Variants in PTPRA observed in about 807,000 individuals in gnomAD.
PTPRA encodes protein tyrosine phosphatase receptor type A.
Under a neutral mutation model 104.8 loss-of-function variants are expected in PTPRA, and 25 were observed. That is an observed-to-expected ratio of 0.24 (90% CI 0.17 to 0.33). PTPRA has a LOEUF of 0.33. PTPRA is among the 10% of genes least tolerant of loss of function. The probability of loss-of-function intolerance (pLI) is 1.00; values close to 1 mark genes in which losing one functional copy is unlikely to be tolerated. For missense variants in PTPRA, 765 were observed against 1,015.3 expected, an observed-to-expected ratio of 0.75 and a Z score of 3.35; for synonymous variants, 323 against 368.9, an observed-to-expected ratio of 0.88 and a Z score of 1.43.
At chr20:2,966,727 A>G (rs759586161) in intron 5 of PTPRA, among the ~76,000 whole-genome samples, 2 of 152,206 alleles carry the variant, frequency 1.3e-5, no homozygotes, top group Non-Finnish European at 2.9e-5. Flanking sequence ...TGATGAAACC[A>G]TAATTTGTGG....
intron 2 of PTPRA, among the ~76,000 whole-genome samples, chr20:2,939,503 C>G (rs1160047092): frequency 6.6e-6 from 1 of 152,148 alleles, no homozygotes; most frequent in Non-Finnish European, 1.5e-5. Flanking sequence ...GTACCTCCTC[C>G]CCTTTTTTAG....
At chr20:2,900,827 A>T (rs950818743) in intron 1 of PTPRA, among the ~76,000 whole-genome samples, 29 of 150,156 alleles carry the variant, frequency 1.9e-4, no homozygotes, top group Admixed American at 1.7e-3. Context: ...ATTGCACTCC[A>T]GCCTGAGCAA....
Position 2,997,151 on chromosome 20 carries a change from T to C in PTPRA, c.739-7905T>C, listed in dbSNP as rs147758968. Reference sequence around the variant, plus strand: ...GTGAGAAAACATATGTGGGATAATTTCATTTTTGTTTTCAAAAATATGTAT... The same window carrying C: ...GTGAGAAAACATATGTGGGATAATTCCATTTTTGTTTTCAAAAATATGTAT... On this transcript the variant is annotated intron_variant, in intron 9 of 23. Coordinates refer to ENST00000399903, the MANE Select transcript of PTPRA (RefSeq NM_001385305.1). Among the ~76,000 whole-genome samples the C allele has an allele frequency of 1.1e-4, 16 of 152,292 alleles. 1 individual carries two copies. The highest frequency in any genetic ancestry group is 1.0e-3 in the Admixed American group (16 of 15,302).
chr20:2,951,948 C>T (rs907273603), intron 3 of PTPRA, among the ~76,000 whole-genome samples: 1 of 151,970 alleles, frequency 6.6e-6, no homozygotes, highest in Non-Finnish European at 1.5e-5. Flanking sequence ...AGGTGAAACC[C>T]CCTCTCTACT....
intron 5 of PTPRA, among the ~76,000 whole-genome samples, chr20:2,966,714 C>G (rs1180867637): frequency 3.3e-5 from 5 of 152,150 alleles, no homozygotes; most frequent in Non-Finnish European, 7.4e-5. Flanking sequence ...AAGTATTTTA[C>G]AATGATGAAA....
chr20:3,035,993 T>G lies in PTPRA; in HGVS notation c.2198+52T>G. The G allele has an allele frequency of 6.2e-7, 1 of 1,609,828 alleles. No homozygotes were observed. Among genetic ancestry groups the G allele is most frequent in the Non-Finnish European group, 8.5e-7 (1 of 1,178,450 alleles). On this transcript the variant is annotated intron_variant, in intron 22 of 23. Coordinates refer to ENST00000399903, the MANE Select transcript of PTPRA (RefSeq NM_001385305.1). The surrounding 1 kb of genome is among the most constrained non-coding windows in gnomAD (Gnocchi z 5.8). ...GAGAGAGAAAGCGAGGAGGGGCAGA[T>G]AGGGGAAGCTGATGACCATGGGTCA...
chr20:2,916,797 C>G (rs1321540803), intron 1 of PTPRA, among the ~76,000 whole-genome samples: 2 of 152,126 alleles, frequency 1.3e-5, no homozygotes, highest in Non-Finnish European at 2.9e-5. Flanking sequence ...ATATATCACT[C>G]CTTATACCAT....
At chr20:2,948,744 G>A (rs2061237524) in intron 3 of PTPRA, among the ~76,000 whole-genome samples, 1 of 151,802 alleles carries the variant, frequency 6.6e-6, no homozygotes, top group African/African-American at 2.4e-5. Context: ...AAGGTCAGGA[G>A]ATCAAGACCA....
chr20:2,948,504 T>A (rs2061223885), intron 3 of PTPRA, among the ~76,000 whole-genome samples: 1 of 152,192 alleles, frequency 6.6e-6, no homozygotes, highest in Admixed American at 6.5e-5. Flanking sequence ...AAACCTTAAT[T>A]CTGTATGTTT....
intron 2 of PTPRA, among the ~76,000 whole-genome samples, chr20:2,934,937 G>A (rs1226501175): frequency 6.6e-6 from 1 of 152,104 alleles, no homozygotes; most frequent in African/African-American, 2.4e-5. Flanking sequence ...CTCCCAAAGT[G>A]CTGGGATTAG....
chr20:3,024,186 T>G (rs2065024565), intron 16 of PTPRA, among the ~76,000 whole-genome samples: 1 of 152,124 alleles, frequency 6.6e-6, no homozygotes, highest in East Asian at 1.9e-4. Context: ...TTCAGACTAT[T>G]AAATCTGCAC....
At chr20:2,968,788 C>T (rs1355377398) in intron 5 of PTPRA, among the ~76,000 whole-genome samples, 2 of 152,066 alleles carry the variant, frequency 1.3e-5, no homozygotes, top group Non-Finnish European at 2.9e-5. Context: ...ATGGCTCATG[C>T]CTGTGGTCCC....
chr20:2,924,587 A>G (rs1380246484), intron 2 of PTPRA, among the ~76,000 whole-genome samples: 1 of 152,320 alleles, frequency 6.6e-6, no homozygotes, highest in East Asian at 1.9e-4. Context: ...AAACTAAACT[A>G]CAGTGATAAA....
Position 3,035,820 on chromosome 20 carries a change from C to T in PTPRA, c.2077C>T (p.His693Tyr). The T allele has an allele frequency of 1.2e-6, 2 of 1,614,228 alleles. No homozygotes were observed. The highest frequency in any genetic ancestry group is 1.7e-6 in the Non-Finnish European group (2 of 1,180,036). ...ENKSRQIRQF[H>Y]FHGWPEVGIP... ...TAAGAGCCGGCAGATCCGGCAGTTC[C>T]ACTTCCATGGCTGGCCTGAAGTGGG... Residue 693 changes from histidine (H) to tyrosine (Y), a missense_variant, in exon 22 of 24, where the codon CAC becomes TAC. By Grantham distance (83) the His-to-Tyr change is moderately conservative (BLOSUM62 2). Around this residue, in one of 4 missense-constraint regions of PTPRA, gnomAD observed 192 missense variants for 227.0 expected, o/e 0.85. Transcript: ENST00000399903. This position sits in a 1 kb window ranked among gnomAD's most constrained non-coding sequence, Gnocchi z 5.8.
At chr20:2,876,433 C>T (rs1344799159) in intron 1 of PTPRA, among the ~76,000 whole-genome samples, 1 of 152,200 alleles carries the variant, frequency 6.6e-6, no homozygotes, top group Non-Finnish European at 1.5e-5. Flanking sequence ...ATCCATACTC[C>T]TCCCACCATG....
intron 5 of PTPRA, among the ~76,000 whole-genome samples, chr20:2,968,877 C>G (rs546786454): frequency 1.3e-5 from 2 of 151,864 alleles, no homozygotes; most frequent in Non-Finnish European, 2.9e-5. Flanking sequence ...ATCGCACCAC[C>G]GTACTCCAGT....
chr20:3,022,966 C>A lies in PTPRA; in HGVS notation c.1464+142C>A. On this transcript the variant is annotated intron_variant, in intron 16 of 23. Transcript: ENST00000399903. The surrounding 1 kb of genome is among the most constrained non-coding windows in gnomAD (Gnocchi z 4.6). ...GTGGGGGAAAGAAAGATAGATCACA[C>A]TGTTACCGTGTCTATGTAGAAAAAG... The A allele has an allele frequency of 7.4e-7, 1 of 1,357,556 alleles. No individual in the cohort carries two copies. Among genetic ancestry groups the A allele is most frequent in the Non-Finnish European group, 1.0e-6 (1 of 1,002,698 alleles). The allele number at this position is 1,357,556 out of a possible 1,614,324, so 84.1% of individuals were successfully genotyped here. A position where few individuals can be genotyped will look rare whatever the true frequency, so the allele number is the denominator to read the frequency against.
chr20:2,926,408 A>G (rs1255812097), intron 2 of PTPRA, among the ~76,000 whole-genome samples: 1 of 152,134 alleles, frequency 6.6e-6, no homozygotes, highest in African/African-American at 2.4e-5. Context: ...CTGTATCTTC[A>G]GATTGTCTTC....
In PTPRA at chr20:2,964,894, A is replaced by G. The variant is rs778146498; in HGVS notation, c.107A>G (p.Asn36Ser). The G allele has an allele frequency of 1.9e-5, 31 of 1,613,790 alleles. No homozygotes were observed. The South Asian group carries it at 3.4e-4, about 18-fold the overall frequency. The change falls in exon 5 of 24, where the codon AAC (asparagine) becomes AGC (serine). Residue 36 changes from asparagine (N) to serine (S), a missense_variant. Physicochemically the swap from Asn to Ser is conservative, Grantham distance 46 (BLOSUM62 1). Around this residue, in one of 4 missense-constraint regions of PTPRA, gnomAD observed 256 missense variants for 248.9 expected, o/e 1.03. Coordinates refer to ENST00000399903, the MANE Select transcript of PTPRA (RefSeq NM_001385305.1). ...APSVGITRLINSSTAEPVKEE... is the reference protein window; with the variant it reads ...APSVGITRLISSSTAEPVKEE... The stretch of plus-strand genomic sequence containing the variant: ...TCTGTAGGAATTACAAGATTAATTA[A>G]CTCATCAACGGCAGAACCAGTTAAA...
Sources: gnomAD v4.1 joint callset for allele counts (sites outside exome capture counted in the v4.1 genomes callset) on GRCh38, gnomAD v4.1.1 for gene constraint, gnomAD v4.1.1 regional missense constraint, Gnocchi (gnomAD v3.1) non-coding constraint, MANE v1.5 for transcripts, NCBI Gene and HGNC (gene_info 2026-07-23, HGNC 2026-07-21) for gene names.